The following HMCN1 variants were observed in gnomAD, a reference collection of about 807,000 sequenced individuals.
HMCN1 encodes the protein hemicentin-1.
In HMCN1, 321 loss-of-function variants were observed where a neutral mutation model predicts 625.9. The ratio of observed to expected loss-of-function variants is 0.51; its 90% CI spans 0.47 to 0.56. The LOEUF (loss-of-function observed/expected upper bound fraction) is 0.56, where lower values mean the gene tolerates loss of function less well. HMCN1 is among the 20% of genes least tolerant of loss of function. The pLI is 0.00. For synonymous variants in HMCN1, 2,425 were observed against 2,417.6 expected (o/e 1.00, Z -0.09); for missense variants, 6,588 against 6,887.3 (o/e 0.96, Z 1.54).
At chr1:185,851,424 T>C (rs957813907) in intron 2 of HMCN1, among the ~76,000 whole-genome samples, 1 of 152,112 alleles carries the variant, frequency 6.6e-6, no homozygotes, top group African/African-American at 2.4e-5. Flanking sequence ...GAAAAAGCAA[T>C]CTAAAATTTT....
intron 16 of HMCN1, among the ~76,000 whole-genome samples, chr1:185,978,638 C>T (rs1033506684): frequency 2.6e-5 from 4 of 151,978 alleles, no homozygotes; most frequent in Non-Finnish European, 5.9e-5. Flanking sequence ...TTATAGAAAG[C>T]TTTTAATCAG....
intron 53 of HMCN1, among the ~76,000 whole-genome samples, chr1:186,076,082 A>C (rs1000832931): frequency 1.3e-5 from 2 of 152,100 alleles, no homozygotes; most frequent in Admixed American, 1.3e-4. Context: ...GTATTTTTTA[A>C]TGGTTTCTCA....
intron 11 of HMCN1, among the ~76,000 whole-genome samples, chr1:185,944,912 T>A (rs1358061714): frequency 6.6e-6 from 1 of 152,228 alleles, no homozygotes; most frequent in Non-Finnish European, 1.5e-5. Flanking sequence ...TATGTCCGAA[T>A]GTGTACTAAA....
chr1:185,956,722 T>G (rs991894387), intron 11 of HMCN1, among the ~76,000 whole-genome samples: 1 of 152,084 alleles, frequency 6.6e-6, no homozygotes, highest in African/African-American at 2.4e-5. Flanking sequence ...CTCCTCTCCC[T>G]TCCCTGGATT....
Position 186,144,297 on chromosome 1 carries a change from T to C in HMCN1, c.14049T>C (p.Asp4683=). ...CAGCGTTTGGTGGGTCCTACTGTGATGGAGCAGAAACACAGATGCAAGTTT... is the reference window on the plus strand; with the variant it reads ...CAGCGTTTGGTGGGTCCTACTGTGACGGAGCAGAAACACAGATGCAAGTTT... ...PPPAFGGSYC[D]GAETQMQVCN... is the part of the protein sequence containing the mutation. The change falls in exon 90 of 107, where the codon GAT becomes GAC. Residue 4683 remains aspartate (D), a synonymous_variant. Transcript: ENST00000271588. 1 of 1,614,026 alleles carries C rather than the reference T, an allele frequency of 6.2e-7. No homozygotes were observed. The highest frequency in any genetic ancestry group is 1.1e-5 in the South Asian group (1 of 91,078).
At chr1:186,134,530 T>C (rs187617914) in intron 86 of HMCN1, among the ~76,000 whole-genome samples, 25 of 152,254 alleles carry the variant, frequency 1.6e-4, no homozygotes, top group Admixed American at 1.4e-3. Flanking sequence ...AGGCATTGTG[T>C]AGGGTGATGA....
intron 1 of HMCN1, among the ~76,000 whole-genome samples, chr1:185,842,700 C>T (rs1422662331): frequency 6.6e-6 from 1 of 151,754 alleles, no homozygotes; most frequent in Non-Finnish European, 1.5e-5. Context: ...CACTGCACTC[C>T]AGCCTGAGTG....
intron 100 of HMCN1, 146 bp downstream of exon 100, chr1:186,167,088 G>T (rs1651928161): frequency 2.0e-6 from 2 of 994,360 alleles, no homozygotes; most frequent in Admixed American, 2.0e-5. Context: ...CAGCAAGAGG[G>T]ACTCCTGTCT....
intron 67 of HMCN1, 77 bp downstream of exon 67, chr1:186,094,450 T>C (rs1194144572): frequency 1.0e-6 from 1 of 999,570 alleles, no homozygotes; most frequent in Non-Finnish European, 1.6e-6. Context: ...GAAACCGACT[T>C]CCTCAGAGAT....
chr1:186,117,316 C>G (rs1480879916), intron 76 of HMCN1, 143 bp from the exon 77 acceptor site: 1 of 1,176,530 alleles, frequency 8.5e-7, no homozygotes. Flanking sequence ...AGGTATTAAC[C>G]CAGAAATAAA....
intron 11 of HMCN1, among the ~76,000 whole-genome samples, chr1:185,952,112 A>G (rs1649222904): frequency 6.6e-6 from 1 of 151,796 alleles, no homozygotes; most frequent in African/African-American, 2.4e-5. Flanking sequence ...TTTATATTTG[A>G]TGAAAAAGAG....
intron 93 of HMCN1, among the ~76,000 whole-genome samples, chr1:186,149,616 G>T (rs1258997301): frequency 2.0e-5 from 3 of 152,092 alleles, no homozygotes; most frequent in Non-Finnish European, 4.4e-5. Context: ...TTCTCCCTTT[G>T]CATTCACAAC....
chr1:185,835,674 A>G (rs1338394982), intron 1 of HMCN1, among the ~76,000 whole-genome samples: 2 of 152,028 alleles, frequency 1.3e-5, no homozygotes, highest in South Asian at 2.1e-4. Context: ...TAAAATGGGC[A>G]TTTACACTGA....
intron 80 of HMCN1, among the ~76,000 whole-genome samples, chr1:186,122,594 T>A (rs1302406718): frequency 6.6e-6 from 1 of 152,234 alleles, no homozygotes; most frequent in Non-Finnish European, 1.5e-5. Context: ...CTGGCGTTCA[T>A]TTTGGAAGTT....
chr1:186,015,418 A>G lies in HMCN1; in HGVS notation c.4890A>G (p.Ser1630=). 6.2e-7 allele frequency: 1 copy of G among 1,613,620 alleles called. No homozygotes were observed. The highest frequency in any genetic ancestry group is 8.5e-7 in the Non-Finnish European group (1 of 1,179,666). The change falls in exon 31 of 107, where the codon TCA becomes TCG. Residue 1630 remains serine (S), a synonymous_variant. Transcript: ENST00000271588. The part of the protein sequence containing the change: ...VANVAGTAEK[S]FHVDVYVPPM... ...ATGTTGCTGGAACTGCTGAAAAATC[A>G]TTCCATGTGGATGTCTATGGTGAGG...
At chr1:186,117,424 A>G (rs1167782650) in intron 76 of HMCN1, 35 bp from the exon 77 acceptor site, 3 of 1,605,328 alleles carry the variant, frequency 1.9e-6, no homozygotes, top group Admixed American at 3.3e-5. Context: ...GGAAATGTGT[A>G]GTTTTTTCCC....
chr1:185,998,453 A>C (rs976687153), intron 25 of HMCN1, among the ~76,000 whole-genome samples: 1 of 152,108 alleles, frequency 6.6e-6, no homozygotes, highest in African/African-American at 2.4e-5. Context: ...CAGATACCTA[A>C]AGAATTAACA....
At chr1:186,189,470 T>C in intron 106 of HMCN1, 42 bp from the exon 107 acceptor site, 1 of 1,608,728 alleles carries the variant, frequency 6.2e-7, no homozygotes, top group Non-Finnish European at 8.5e-7. Context: ...CTCCTCCTAC[T>C]TCCAGATAAC....
At chr1:185,834,583 C>T (rs1226128656) in intron 1 of HMCN1, among the ~76,000 whole-genome samples, 3 of 152,186 alleles carry the variant, frequency 2.0e-5, no homozygotes, top group Non-Finnish European at 4.4e-5. Flanking sequence ...GAATGCAAGA[C>T]AGAAACTATG....
Sources: gnomAD v4.1 joint callset for allele counts (sites outside exome capture counted in the v4.1 genomes callset) on GRCh38, gnomAD v4.1.1 for gene constraint, MANE v1.5 for transcripts, NCBI Gene and HGNC (gene_info 2026-07-23, HGNC 2026-07-21) for gene names.